Variants in OTOP1 observed in about 807,000 individuals in gnomAD.
OTOP1 encodes the protein proton channel OTOP1.
Under a neutral mutation model 52.9 loss-of-function variants are expected in OTOP1, and 59 were observed. The ratio of observed to expected loss-of-function variants is 1.12; its 90% CI spans 0.91 to 1.39. OTOP1 has a LOEUF of 1.39. Among genes scored for constraint, OTOP1 ranks in the 40% most tolerant of loss-of-function variants. The probability of loss-of-function intolerance (pLI) is 0.00; values close to 1 mark genes in which losing one functional copy is unlikely to be tolerated. For synonymous variants in OTOP1, 317 were observed against 337.7 expected, an observed-to-expected ratio of 0.94 and a Z score of 0.67; for missense variants, 761 against 800.9, an observed-to-expected ratio of 0.95 and a Z score of 0.60.
At chr4:4,224,364 A>G (rs1265340647) in intron 1 of OTOP1, among the ~76,000 whole-genome samples, 1 of 150,444 alleles carries the variant, frequency 6.6e-6, no homozygotes, top group Non-Finnish European at 1.5e-5. Context: ...AAAAATAAAG[A>G]AGGAAAGGCA....
At chr4:4,205,899 A>G (rs1716895847) in intron 3 of OTOP1, among the ~76,000 whole-genome samples, 173 bp downstream of exon 3, 1 of 152,224 alleles carries the variant, frequency 6.6e-6, no homozygotes, top group Non-Finnish European at 1.5e-5. Flanking sequence ...TGTCCCATGG[A>G]GAAGCCAAAA....
chr4:4,195,038 T>C (rs2980123), intron 5 of OTOP1, among the ~76,000 whole-genome samples: 91,376 of 152,012 alleles, frequency 0.6, 28,852 homozygotes, highest in South Asian at 0.76. Flanking sequence ...CCTTGCTACA[T>C]ACAGCTACTG....
intron 4 of OTOP1, among the ~76,000 whole-genome samples, chr4:4,199,844 C>A (rs1342950200): frequency 6.6e-6 from 1 of 152,196 alleles, no homozygotes; most frequent in Non-Finnish European, 1.5e-5. Context: ...TAGCGACCAA[C>A]TTTTTTGTAG....
At chr4:4,224,354 A>G (rs548981949) in intron 1 of OTOP1, among the ~76,000 whole-genome samples, 2 of 151,630 alleles carry the variant, frequency 1.3e-5, no homozygotes, top group Non-Finnish European at 2.9e-5. Flanking sequence ...CTCAAAAAAA[A>G]AAAATAAAGA....
At chr4:4,220,105 A>ATATTTTTT in intron 1 of OTOP1, among the ~76,000 whole-genome samples, 1 of 59,396 alleles carries the variant, frequency 1.7e-5, no homozygotes, top group East Asian at 3.4e-4. Flanking sequence ...ATATATATAT[A>ATATTTTTT]TTTTTTTTTT....
At chr4:4,199,249 A>T (rs368463021) in intron 4 of OTOP1, among the ~76,000 whole-genome samples, 1,565 of 64,104 alleles carry the variant, frequency 0.024, 115 homozygotes, top group African/African-American at 0.066. Context: ...AGAGAGAGAG[A>T]GAGAGAGAGA....
chr4:4,196,756 C>G (rs1030737734), intron 5 of OTOP1, among the ~76,000 whole-genome samples: 1 of 150,968 alleles, frequency 6.6e-6, no homozygotes, highest in African/African-American at 2.4e-5. Flanking sequence ...AAATGTGTAG[C>G]TCTACACCGT....
intron 4 of OTOP1, among the ~76,000 whole-genome samples, chr4:4,199,439 A>G (rs1716730848): frequency 6.6e-6 from 1 of 152,016 alleles, no homozygotes; most frequent in African/African-American, 2.4e-5. Flanking sequence ...TTTGAGACAG[A>G]GCCTCCTTCT....
intron 4 of OTOP1, among the ~76,000 whole-genome samples, chr4:4,200,578 G>A (rs2108798659): frequency 6.7e-6 from 1 of 148,626 alleles, no homozygotes; most frequent in South Asian, 2.1e-4. Flanking sequence ...TTTTTATATA[G>A]GGTCTCCCTC....
At chr4:4,221,726 GC>G (rs1160305223) in intron 1 of OTOP1, among the ~76,000 whole-genome samples, 1 of 152,130 alleles carries the variant, frequency 6.6e-6, no homozygotes, top group Non-Finnish European at 1.5e-5. Context: ...AAACCCCAGT[GC>G]CCAAAACAGA....
intron 2 of OTOP1, among the ~76,000 whole-genome samples, chr4:4,206,665 A>G (rs1716912586): frequency 6.6e-6 from 1 of 152,196 alleles, no homozygotes; most frequent in African/African-American, 2.4e-5. Context: ...AGGGACTGAA[A>G]TCATGGGTGC....
chr4:4,207,181 A>G (rs1411924672), intron 2 of OTOP1, among the ~76,000 whole-genome samples: 1 of 128,356 alleles, frequency 7.8e-6, no homozygotes, highest in African/African-American at 3.1e-5. Context: ...CTGTCTTGAA[A>G]CAACCAATAA....
At chr4:4,219,682 G>C (rs1267565070) in intron 1 of OTOP1, among the ~76,000 whole-genome samples, 2 of 138,700 alleles carry the variant, frequency 1.4e-5, no homozygotes, top group African/African-American at 2.5e-5. Flanking sequence ...GGGCGACAGA[G>C]CGAGACTCTG....
intron 1 of OTOP1, among the ~76,000 whole-genome samples, chr4:4,224,190 T>C (rs1353290107): frequency 1.3e-5 from 2 of 151,074 alleles, no homozygotes; most frequent in Non-Finnish European, 3.0e-5. Flanking sequence ...CTACTAAAGA[T>C]ACAAAAAATA....
At chr4:4,221,231 C>T (rs1717295498) in intron 1 of OTOP1, among the ~76,000 whole-genome samples, 1 of 151,844 alleles carries the variant, frequency 6.6e-6, no homozygotes, top group East Asian at 1.9e-4. Context: ...AGGCACTCCA[C>T]ATAGCGAGAC....
chr4:4,219,992 G>C (rs1341359038), intron 1 of OTOP1, among the ~76,000 whole-genome samples: 5 of 73,452 alleles, frequency 6.8e-5, no homozygotes, highest in Admixed American at 1.2e-4. Flanking sequence ...TACGTATATA[G>C]GTGTATATAC....
intron 2 of OTOP1, among the ~76,000 whole-genome samples, chr4:4,211,846 G>T (rs1717032752): frequency 6.6e-6 from 1 of 152,100 alleles, no homozygotes; most frequent in Admixed American, 6.6e-5. Flanking sequence ...GAAGATTTTG[G>T]TCAAAGGGTA....
Position 4,197,938 on chromosome 4 carries a change from T to C in OTOP1, c.896A>G (p.His299Arg). 1 of 1,614,024 alleles carries C rather than the reference T, an allele frequency of 6.2e-7. No homozygotes were observed. Among genetic ancestry groups the C allele is most frequent in the Non-Finnish European group, 8.5e-7 (1 of 1,179,998 alleles). The stretch of plus-strand genomic sequence containing the variant: ...CTTGAACTGCATCTTCTGGTGCTGA[T>C]GGCTGTCAACTTTGCGCCCGATGTT... ...WKNIGRKVDS[H>R]QHQKMQFKSD... The change falls in exon 5 of 6, where the codon CAT becomes CGT. Residue 299 changes from histidine to arginine, a missense_variant. Coordinates refer to ENST00000296358, the MANE Select transcript of OTOP1 (RefSeq NM_177998.3).
chr4:4,215,942 C>T (rs1402216927), intron 1 of OTOP1, among the ~76,000 whole-genome samples: 7 of 151,926 alleles, frequency 4.6e-5, no homozygotes, highest in Non-Finnish European at 8.8e-5. Context: ...GGATTACAGG[C>T]GTGCACCACC....
Sources: allele counts gnomAD v4.1 joint callset (sites outside exome capture counted in the v4.1 genomes callset), GRCh38; gene constraint gnomAD v4.1.1; transcripts MANE v1.5; gene names NCBI Gene and HGNC (gene_info 2026-07-23, HGNC 2026-07-21).